The following PHF14 variants were observed in gnomAD, a reference collection of about 807,000 sequenced individuals.
PHF14 encodes PHD finger protein 14.
In PHF14, 55 loss-of-function variants were observed where a neutral mutation model predicts 117.9. The observed-to-expected ratio is 0.47, with a 90% confidence interval of 0.38 to 0.58. PHF14 has a LOEUF of 0.58. Ranked by LOEUF, PHF14 falls within the 20% of genes least tolerant of loss-of-function variation. PHF14 has a pLI of 0.00. For missense variants in PHF14, 978 were observed against 1,122.2 expected (o/e 0.87, Z 1.84); for synonymous variants, 409 against 368.6 (o/e 1.11, Z -1.26).
intron 16 of PHF14, among the ~76,000 whole-genome samples, chr7:11,077,046 C>T (rs1225920308): frequency 1.3e-5 from 2 of 151,668 alleles, no homozygotes; most frequent in Admixed American, 1.3e-4. Flanking sequence ...ACATTTAATA[C>T]TATCTATATT....
intron 14 of PHF14, among the ~76,000 whole-genome samples, chr7:11,058,212 T>C (rs1785087293): frequency 6.6e-6 from 1 of 152,248 alleles, no homozygotes; most frequent in Non-Finnish European, 1.5e-5. Flanking sequence ...CTTTGGTAAC[T>C]GAAATTTGTC....
At chr7:11,056,158 C>G (rs1329623986) in intron 14 of PHF14, among the ~76,000 whole-genome samples, 1 of 152,138 alleles carries the variant, frequency 6.6e-6, no homozygotes, top group African/African-American at 2.4e-5. Flanking sequence ...AAGAGATCTA[C>G]TCTGTGGGTG....
intron 16 of PHF14, among the ~76,000 whole-genome samples, chr7:11,074,087 C>T (rs749211655): frequency 2.6e-5 from 4 of 152,192 alleles, no homozygotes; most frequent in Non-Finnish European, 5.9e-5. Context: ...CGTTCAATGC[C>T]TTTCCCCCAT....
intron 17 of PHF14, among the ~76,000 whole-genome samples, chr7:11,154,461 T>G (rs552400503): frequency 6.6e-6 from 1 of 152,306 alleles, no homozygotes; most frequent in East Asian, 1.9e-4. Context: ...TAAGCAACTA[T>G]ATGCCTAAAA....
intron 6 of PHF14, among the ~76,000 whole-genome samples, chr7:11,026,750 A>G (rs947758685): frequency 4.9e-5 from 7 of 143,500 alleles, no homozygotes; most frequent in Non-Finnish European, 9.1e-5. Flanking sequence ...AATTTAATTT[A>G]TTACAAGGAA....
Position 11,061,981 on chromosome 7 carries a change from GAGA to G in PHF14, c.2554_2556del (p.Arg852del). 1 of 1,599,418 alleles carries G rather than the reference GAGA, an allele frequency of 6.3e-7. No individual in the cohort carries two copies. On this transcript the variant is annotated inframe_deletion, in exon 16 of 18. Transcript: ENST00000634607. ...TATGGCAGGAAAGAGTTCCTAGAGA[GAGA>G]AGACAAAGACAGTCTGTGTTGCAAA...
chr7:11,102,886 T>C (rs1240592741), intron 16 of PHF14: 1 of 1,127,220 alleles, frequency 8.9e-7, no homozygotes, highest in African/African-American at 1.6e-5. Flanking sequence ...TGGCAAATGT[T>C]GATACACAGT....
Position 11,035,762 on chromosome 7 carries a change from G to A in PHF14, c.1578G>A (p.Glu526=). 6.2e-7 allele frequency: 1 copy of A among 1,607,200 alleles called. No homozygotes were observed. The highest frequency in any genetic ancestry group is 8.5e-7 in the Non-Finnish European group (1 of 1,176,384). The change falls in exon 8 of 18, where the codon GAG becomes GAA. Residue 526 remains glutamate (E), a synonymous_variant. Transcript: ENST00000634607. ...SYCKMSLQER[E]KQLSPEAQAR... ...GTAAAATGTCTTTGCAAGAGAGAGA[G>A]AAGCAACTATCACCAGAAGCACAGG...
intron 17 of PHF14, among the ~76,000 whole-genome samples, chr7:11,128,254 C>T (rs1004911643): frequency 3.3e-5 from 5 of 152,088 alleles, no homozygotes; most frequent in Admixed American, 2.6e-4. Flanking sequence ...TTGACACATG[C>T]ATCAAGGCTT....
intron 6 of PHF14, among the ~76,000 whole-genome samples, chr7:11,026,455 C>T (rs1301261266): frequency 6.6e-6 from 1 of 152,118 alleles, no homozygotes; most frequent in African/African-American, 2.4e-5. Flanking sequence ...CTTGGGTTAT[C>T]TCTGATGTAT....
intron 17 of PHF14, among the ~76,000 whole-genome samples, chr7:11,161,611 T>C (rs1789026006): frequency 6.8e-6 from 1 of 147,016 alleles, no homozygotes; most frequent in South Asian, 2.1e-4. Context: ...TTTTAGATTT[T>C]AGATAACATT....
chr7:11,122,350 TATACACACAC>T (rs1306631998), intron 17 of PHF14, among the ~76,000 whole-genome samples: 1 of 63,090 alleles, frequency 1.6e-5, no homozygotes, highest in African/African-American at 8.4e-5. Flanking sequence ...TATATATATA[TATACACACAC>T]ACACACACAC....
intron 16 of PHF14, among the ~76,000 whole-genome samples, chr7:11,099,663 C>A (rs1204751779): frequency 6.6e-6 from 1 of 152,070 alleles, no homozygotes; most frequent in African/African-American, 2.4e-5. Flanking sequence ...GAGACTCTTA[C>A]CACAGTTCTG....
At chr7:11,050,454 G>T (rs1784821428) in intron 13 of PHF14, among the ~76,000 whole-genome samples, 1 of 152,044 alleles carries the variant, frequency 6.6e-6, no homozygotes, top group Non-Finnish European at 1.5e-5. Context: ...TTTTTGAAAT[G>T]GTCCTTTATG....
Position 10,985,638 on chromosome 7 carries a change from G to GTTTTTTT in PHF14, c.900+2504_900+2510dup, listed in dbSNP as rs61250143. On this transcript the variant is annotated intron_variant, in intron 3 of 17. Coordinates refer to ENST00000634607, the MANE Select transcript of PHF14 (RefSeq NM_001007157.2). ...ACTCTCTAGCAGTGATTCTCAAACTGTTTTTTTTTTTTTTTTTTTTTTTTT... is the reference window on the plus strand; with the variant it reads ...ACTCTCTAGCAGTGATTCTCAAACTGTTTTTTTTTTTTTTTTTTTTTTTTTTTTTTTT... Among the ~76,000 whole-genome samples, 50 of 45,964 alleles carry GTTTTTTT rather than the reference G, an allele frequency of 1.1e-3. 9 individuals carry two copies. Among genetic ancestry groups the GTTTTTTT allele is most frequent in the South Asian group, 2.2e-3 (2 of 912 alleles). 30.2% of individuals were successfully genotyped at this position (45,964 alleles called of 152,430 possible).
intron 5 of PHF14, among the ~76,000 whole-genome samples, chr7:11,022,081 G>A (rs1783755257): frequency 6.6e-6 from 1 of 152,088 alleles, no homozygotes; most frequent in South Asian, 2.1e-4. Context: ...AGCAGAAAGA[G>A]TGCCTAATAT....
At chr7:11,112,187 A>G (rs538391129) in intron 17 of PHF14, among the ~76,000 whole-genome samples, 119 of 152,302 alleles carry the variant, frequency 7.8e-4, no homozygotes, top group Non-Finnish European at 1.2e-3. Flanking sequence ...CATTCTGGTC[A>G]ACTGTAGATT....
intron 16 of PHF14, among the ~76,000 whole-genome samples, chr7:11,086,244 G>A (rs1257529861): frequency 6.6e-6 from 1 of 152,122 alleles, no homozygotes; most frequent in African/African-American, 2.4e-5. Context: ...TTTCTTGCAA[G>A]GTAAATCTAG....
At chr7:11,166,777 A>G (rs992568255) in intron 17 of PHF14, among the ~76,000 whole-genome samples, 1 of 152,182 alleles carries the variant, frequency 6.6e-6, no homozygotes, top group Non-Finnish European at 1.5e-5. Context: ...TATTTGTTAT[A>G]TAAGTGACTT....
Sources: allele counts gnomAD v4.1 joint callset (sites outside exome capture counted in the v4.1 genomes callset), GRCh38; gene constraint gnomAD v4.1.1; transcripts MANE v1.5; gene names NCBI Gene and HGNC (gene_info 2026-07-23, HGNC 2026-07-21).